ADCY5: variants seen among roughly 807,000 people sequenced by gnomAD.
ADCY5 encodes adenylate cyclase type 5.
In ADCY5, 30 loss-of-function variants were observed where a neutral mutation model predicts 119.7. The observed-to-expected ratio is 0.25, with a 90% CI of 0.19 to 0.34. ADCY5 has a LOEUF of 0.34. Ranked by LOEUF, ADCY5 falls within the 10% of genes least tolerant of loss-of-function variation. The probability of loss-of-function intolerance (pLI) is 1.00; values close to 1 mark genes in which losing one functional copy is unlikely to be tolerated. For missense variants in ADCY5, 1,324 were observed against 1,775.2 expected (o/e 0.75, Z 4.57); for synonymous variants, 753 against 762.2 (o/e 0.99, Z 0.20).
intron 12 of ADCY5, among the ~76,000 whole-genome samples, chr3:123,307,437 C>T (rs1020867471): frequency 3.3e-5 from 5 of 152,110 alleles, no homozygotes; most frequent in African/African-American, 4.8e-5. Flanking sequence ...AGCTGTTAAA[C>T]GCAACAGAAA....
At chr3:123,421,741 C>T (rs1326753960) in intron 1 of ADCY5, among the ~76,000 whole-genome samples, 1 of 152,182 alleles carries the variant, frequency 6.6e-6, no homozygotes, top group Non-Finnish European at 1.5e-5. Context: ...CAGGCAGGCA[C>T]AAGACCACAT....
intron 1 of ADCY5, among the ~76,000 whole-genome samples, chr3:123,363,174 A>G (rs1943318617): frequency 7.0e-6 from 1 of 143,234 alleles, no homozygotes. Flanking sequence ...GAATTGAAGA[A>G]CAAAAAAAAA....
At chr3:123,376,882 A>G (rs1032376286) in intron 1 of ADCY5, among the ~76,000 whole-genome samples, 3 of 152,220 alleles carry the variant, frequency 2.0e-5, no homozygotes, top group African/African-American at 7.2e-5. Context: ...CATTCTTCCA[A>G]GAACTAGGTT....
At chr3:123,376,702 G>A (rs1241988026) in intron 1 of ADCY5, among the ~76,000 whole-genome samples, 1 of 152,120 alleles carries the variant, frequency 6.6e-6, no homozygotes, top group Non-Finnish European at 1.5e-5. Context: ...TGGCTGGCGT[G>A]AGTGAAGATG....
At chr3:123,428,811 A>T (rs1945463188) in intron 1 of ADCY5, among the ~76,000 whole-genome samples, 1 of 151,964 alleles carries the variant, frequency 6.6e-6, no homozygotes, top group Non-Finnish European at 1.5e-5. Flanking sequence ...ACTGAATCAG[A>T]CTCTCTTGAC....
At chr3:123,425,181 C>T (rs1212451594) in intron 1 of ADCY5, among the ~76,000 whole-genome samples, 1 of 152,210 alleles carries the variant, frequency 6.6e-6, no homozygotes, top group Non-Finnish European at 1.5e-5. Flanking sequence ...TCCAACCATC[C>T]ACCCAGTTGG....
intron 3 of ADCY5, among the ~76,000 whole-genome samples, chr3:123,347,115 C>A (rs1360663884): frequency 3.3e-5 from 5 of 152,126 alleles, no homozygotes; most frequent in African/African-American, 1.2e-4. Flanking sequence ...CATTCCCCAC[C>A]CTTTTTTCTT....
rs1576583280 is a variant in ADCY5, at chr3:123,330,550, G to A, written c.1646+339C>T. ...CAGTTCGATGCCTGGCTGGGTGTCT[G>A]TAGGAAACATGAGGCCCCGGAAGTG... On this transcript the variant is annotated intron_variant, in intron 5 of 20. Transcript: ENST00000462833. Among the ~76,000 whole-genome samples the A allele has an allele frequency of 2.0e-5, 3 of 152,194 alleles. No homozygotes were observed. The East Asian group carries it at 5.8e-4, about 29-fold the overall frequency.
intron 1 of ADCY5, among the ~76,000 whole-genome samples, chr3:123,443,439 A>G (rs1945757047): frequency 6.6e-6 from 1 of 152,180 alleles, no homozygotes; most frequent in Non-Finnish European, 1.5e-5. Flanking sequence ...CACCTGGGTC[A>G]GCCTCATACC....
chr3:123,387,163 A>C (rs543117022), intron 1 of ADCY5, among the ~76,000 whole-genome samples: 1 of 152,350 alleles, frequency 6.6e-6, no homozygotes, highest in African/African-American at 2.4e-5. Flanking sequence ...ATACACACAG[A>C]CACATGTATG....
intron 8 of ADCY5, among the ~76,000 whole-genome samples, chr3:123,323,642 T>C (rs1941336595): frequency 6.6e-6 from 1 of 151,836 alleles, no homozygotes; most frequent in Admixed American, 6.6e-5. Flanking sequence ...TCCTTCCCCC[T>C]TTCCCCCTTT....
chr3:123,288,459 T>C (rs1343326239), intron 19 of ADCY5, among the ~76,000 whole-genome samples: 1 of 152,162 alleles, frequency 6.6e-6, no homozygotes, highest in African/African-American at 2.4e-5. Flanking sequence ...TCCACAGACC[T>C]TGGGAGGAGC....
rs1939953158 is a variant in ADCY5 at position 123,303,193 on chromosome 3, C to A, written c.2586G>T (p.Leu862=). The change falls in exon 14 of 21, where the codon CTG becomes CTT. Residue 862 remains leucine, a synonymous_variant. Coordinates refer to ENST00000462833, the MANE Select transcript of ADCY5 (RefSeq NM_183357.3). ...NMFTCNSRDL[L]GCLAQEHNIS... ...TGTTGTGCTCCTGTGCCAAGCAGCC[C>A]AGCAGGTCCCTGGAGTTGCACGTGA... The A allele has an allele frequency of 6.2e-7, 1 of 1,613,634 alleles. No homozygotes were observed. Among genetic ancestry groups the A allele is most frequent in the African/African-American group, 1.3e-5 (1 of 74,938 alleles).
At chr3:123,296,549 C>A (rs946114154) in intron 16 of ADCY5, among the ~76,000 whole-genome samples, 1 of 152,168 alleles carries the variant, frequency 6.6e-6, no homozygotes. Context: ...ACATCCAGAT[C>A]CTTCTCTGGA....
At chr3:123,333,616 C>G (rs1034124377) in intron 3 of ADCY5, among the ~76,000 whole-genome samples, 2 of 152,224 alleles carry the variant, frequency 1.3e-5, no homozygotes, top group Non-Finnish European at 2.9e-5. Flanking sequence ...AGGGGAGGGG[C>G]GTGAGGCCTG....
At chr3:123,393,601 A>AAAATAAAATAAAATAAAATG (rs1480379345) in intron 1 of ADCY5, among the ~76,000 whole-genome samples, 3 of 151,772 alleles carry the variant, frequency 2.0e-5, no homozygotes, top group African/African-American at 7.3e-5. Flanking sequence ...AAAATAAAAT[A>AAAATAAAATAAAATAAAATG]AAATGAGGGT....
intron 3 of ADCY5, among the ~76,000 whole-genome samples, chr3:123,345,485 G>A (rs1250018586): frequency 6.6e-6 from 1 of 152,222 alleles, no homozygotes; most frequent in Non-Finnish European, 1.5e-5. Context: ...CAGGGACAAT[G>A]CCTGGGCCAG....
At chr3:123,442,658 G>A (rs1945743032) in intron 1 of ADCY5, among the ~76,000 whole-genome samples, 1 of 152,142 alleles carries the variant, frequency 6.6e-6, no homozygotes, top group African/African-American at 2.4e-5. Flanking sequence ...TATTAACAGT[G>A]TACATTCCCA....
At chr3:123,353,223 C>G (rs1942905455) in intron 1 of ADCY5, among the ~76,000 whole-genome samples, 2 of 152,222 alleles carry the variant, frequency 1.3e-5, no homozygotes, top group African/African-American at 4.8e-5. Context: ...CCCCCGCTCC[C>G]CAACAACTGA....
Sources: allele counts gnomAD v4.1 joint callset (sites outside exome capture counted in the v4.1 genomes callset), GRCh38; gene constraint gnomAD v4.1.1; transcripts MANE v1.5; gene names NCBI Gene and HGNC (gene_info 2026-07-23, HGNC 2026-07-21).